PPARA: variants seen among roughly 807,000 people sequenced by gnomAD.
The protein encoded by PPARA is peroxisome proliferator-activated receptor alpha.
In PPARA, 22 loss-of-function variants were observed where a neutral mutation model predicts 42.2. That is an observed-to-expected ratio of 0.52 (90% CI 0.37 to 0.74). PPARA has a LOEUF of 0.74. Ranked by LOEUF, PPARA falls within the 30% of genes least tolerant of loss-of-function variation. PPARA has a pLI of 0.00. For synonymous variants in PPARA, 242 were observed against 239.3 expected, an observed-to-expected ratio of 1.01 and a Z score of -0.10; for missense variants, 465 against 608.2, an observed-to-expected ratio of 0.76 and a Z score of 2.48.
intron 6 of PPARA, among the ~76,000 whole-genome samples, chr22:46,218,636 C>A (rs1002392348): frequency 6.6e-6 from 1 of 151,542 alleles, no homozygotes; most frequent in African/African-American, 2.4e-5. Flanking sequence ...GAGTTTGAGA[C>A]CAGCCTGGCC....
At chr22:46,205,562 T>G (rs1285102410) in intron 4 of PPARA, among the ~76,000 whole-genome samples, 4 of 65,320 alleles carry the variant, frequency 6.1e-5, no homozygotes, top group African/African-American at 1.7e-4. Context: ...ATATTTTTTT[T>G]TTTTTTTTTT....
chr22:46,203,178 C>G lies in PPARA; in HGVS notation c.208+4587C>G, dbSNP rs1308841000. On this transcript the variant is annotated intron_variant, in intron 4 of 8. Transcript: ENST00000407236. The surrounding 1 kb of genome is among the most constrained non-coding windows in gnomAD (Gnocchi z 5.8). Reference sequence around the variant, plus strand: ...CCTTCCAGGTTTTACTGAACTGTTACTGCGAAGTCTGAGAGATGAGGTCAT... The same window carrying G: ...CCTTCCAGGTTTTACTGAACTGTTAGTGCGAAGTCTGAGAGATGAGGTCAT... Among the ~76,000 whole-genome samples the G allele has an allele frequency of 1.3e-5, 2 of 152,194 alleles. No homozygotes were observed. Among genetic ancestry groups the G allele is most frequent in the African/African-American group, 4.8e-5 (2 of 41,458 alleles).
chr22:46,223,680 A>G (rs1935176963), intron 7 of PPARA, among the ~76,000 whole-genome samples: 1 of 133,778 alleles, frequency 7.5e-6, no homozygotes, highest in South Asian at 2.5e-4. Context: ...GTGGTTGCTC[A>G]TGCTTATGCC....
At position 46,243,379 on chromosome 22, in the gene PPARA, T is replaced by C. The variant is rs1230266641; in HGVS notation, c.*7999T>C. ...GTGCTAAAAAGGTGCAGTTCCAAAG[T>C]AGGAACTGCCACACAGGCCCCAGCA... On this transcript the variant is annotated 3_prime_UTR_variant, in exon 9 of 9. Coordinates refer to ENST00000407236, the MANE Select transcript of PPARA (RefSeq NM_005036.6). This position sits in a 1 kb window ranked among gnomAD's most constrained non-coding sequence, Gnocchi z 5.0. 2 of 152,144 alleles carry C rather than the reference T, an allele frequency of 1.3e-5. No individual in the cohort carries two copies. The highest frequency in any genetic ancestry group is 2.4e-5 in the African/African-American group (1 of 41,418). 9.4% of individuals were successfully genotyped at this position (152,144 alleles called of 1,614,324 possible).
At chr22:46,159,899 G>A (rs1342625081) in intron 2 of PPARA, among the ~76,000 whole-genome samples, 2 of 152,250 alleles carry the variant, frequency 1.3e-5, no homozygotes, top group East Asian at 3.8e-4. Context: ...AGGGTGGGTT[G>A]TGGGTGCCTA....
At chr22:46,197,944 A>G (rs1347740581) in intron 3 of PPARA, among the ~76,000 whole-genome samples, 1 of 148,170 alleles carries the variant, frequency 6.7e-6, no homozygotes, top group African/African-American at 2.5e-5. Flanking sequence ...TAAAATTAAA[A>G]CAAACAGCCG....
intron 7 of PPARA, among the ~76,000 whole-genome samples, chr22:46,228,574 G>A (rs1250641361): frequency 6.6e-6 from 1 of 152,046 alleles, no homozygotes; most frequent in Non-Finnish European, 1.5e-5. Context: ...TTGCATTTTT[G>A]CTCTGGGTCC....
At chr22:46,198,039 G>A (rs4253706) in intron 3 of PPARA, among the ~76,000 whole-genome samples, 11,030 of 150,788 alleles carry the variant, frequency 0.073, 441 homozygotes, top group Middle Eastern at 0.12. Flanking sequence ...AGACCACCCT[G>A]GCTAACACAG....
intron 4 of PPARA, among the ~76,000 whole-genome samples, chr22:46,208,127 G>A (rs1406095839): frequency 3.9e-5 from 6 of 152,012 alleles, no homozygotes; most frequent in Admixed American, 3.9e-4. Flanking sequence ...ATTTTTAATT[G>A]ACAAATAATA....
rs767159328 is a variant in PPARA, at chr22:46,220,025, GC to G, written c.711+12del. 1.4e-5 allele frequency: 23 copies of G among 1,613,532 alleles called. No homozygotes were observed. The highest frequency in any genetic ancestry group is 1.9e-5 in the Non-Finnish European group (23 of 1,180,012). On this transcript the variant is annotated intron_variant, in intron 7 of 8. Transcript: ENST00000407236. ...GCCAGTAACAATCCAGTAGGTGTTT[GC>G]GGCTGTTCTGGGTTCTCTTGGCAAC...
At position 46,237,640 on chromosome 22, in the gene PPARA, G is replaced by A. The variant is rs1168574312; in HGVS notation, c.*2260G>A. 2.0e-5 allele frequency: 3 copies of A among 152,058 alleles called. No homozygotes were observed. The highest frequency in any genetic ancestry group is 4.4e-5 in the Non-Finnish European group (3 of 68,074). 9.4% of individuals were successfully genotyped at this position (152,058 alleles called of 1,614,324 possible). A position where few individuals can be genotyped will look rare whatever the true frequency, so the allele number is the denominator to read the frequency against. ...AAAAAAAAAAAAGATGCAATCAAAG[G>A]GGCTGTTGGCCAGCAATGGCAGCAG... On this transcript the variant is annotated 3_prime_UTR_variant, in exon 9 of 9. Coordinates refer to ENST00000407236, the MANE Select transcript of PPARA (RefSeq NM_005036.6). The surrounding 1 kb of genome is among the most constrained non-coding windows in gnomAD (Gnocchi z 6.7).
intron 3 of PPARA, among the ~76,000 whole-genome samples, chr22:46,178,019 G>T (rs573953057): frequency 6.6e-6 from 1 of 152,106 alleles, no homozygotes; most frequent in East Asian, 1.9e-4. Flanking sequence ...AGAATTTGGG[G>T]TATAGATCTA....
intron 4 of PPARA, among the ~76,000 whole-genome samples, chr22:46,207,671 ATTATTATTTTTTTTTTTT>A (rs560898827): frequency 0.033 from 2,444 of 74,334 alleles, 111 homozygotes; most frequent in African/African-American, 0.13. Flanking sequence ...TATTATTATT[ATTATTATTTTTTTTTTTT>A]TTTTTTTTTT....
intron 7 of PPARA, among the ~76,000 whole-genome samples, chr22:46,229,281 G>A (rs969468185): frequency 2.6e-5 from 4 of 152,046 alleles, no homozygotes; most frequent in African/African-American, 9.7e-5. Context: ...CGGGCACAGT[G>A]GCTCACGCAT....
rs938004222 is a variant in PPARA at position 46,160,444 on chromosome 22, G to A, written c.-127+8474G>A. Among the ~76,000 whole-genome samples, 2 of 151,528 alleles carry A rather than the reference G, an allele frequency of 1.3e-5. No homozygotes were observed. Among genetic ancestry groups the A allele is most frequent in the African/African-American group, 2.4e-5 (1 of 41,200 alleles). On this transcript the variant is annotated intron_variant, in intron 2 of 8. Coordinates refer to ENST00000407236, the MANE Select transcript of PPARA (RefSeq NM_005036.6). This position sits in a 1 kb window ranked among gnomAD's most constrained non-coding sequence, Gnocchi z 4.5. Reference sequence around the variant, plus strand: ...CCTACATAGCTGGTACTACAGGCACGCGCCACCATGCCTGGCTAAATTGTT... The same window carrying A: ...CCTACATAGCTGGTACTACAGGCACACGCCACCATGCCTGGCTAAATTGTT...
intron 3 of PPARA, among the ~76,000 whole-genome samples, chr22:46,186,499 C>T (rs927545685): frequency 2.6e-5 from 4 of 152,070 alleles, no homozygotes; most frequent in Admixed American, 6.6e-5. Context: ...TTCCCAGTAA[C>T]GAGGGAGGAA....
At chr22:46,220,074 C>T (rs774074808) in intron 7 of PPARA, 60 bp downstream of exon 7, 22 of 1,546,568 alleles carry the variant, frequency 1.4e-5, no homozygotes, top group East Asian at 9.0e-5. Flanking sequence ...TCGTAGAGGA[C>T]GATTAAGGAC....
At chr22:46,186,698 G>A (rs1431826892) in intron 3 of PPARA, among the ~76,000 whole-genome samples, 1 of 152,106 alleles carries the variant, frequency 6.6e-6, no homozygotes, top group East Asian at 1.9e-4. Context: ...AGGTGAGAGA[G>A]CGAGACTCTG....
Position 46,167,404 on chromosome 22 carries a change from A to T in PPARA, c.-126-9349A>T, listed in dbSNP as rs1927239293. On this transcript the variant is annotated intron_variant, in intron 2 of 8. Transcript: ENST00000407236. This position sits in a 1 kb window ranked among gnomAD's most constrained non-coding sequence, Gnocchi z 4.1. ...CAGTGGCTCATGCCTGTCATCTTGC[A>T]CTTTGAGAGGCCAAGGCGGGTGGAT... Among the ~76,000 whole-genome samples the T allele has an allele frequency of 6.6e-6, 1 of 152,096 alleles. No individual in the cohort carries two copies. Among genetic ancestry groups the T allele is most frequent in the Non-Finnish European group, 1.5e-5 (1 of 68,024 alleles).
Sources: allele counts gnomAD v4.1 joint callset (sites outside exome capture counted in the v4.1 genomes callset), GRCh38; gene constraint gnomAD v4.1.1; non-coding constraint Gnocchi (gnomAD v3.1); transcripts MANE v1.5; gene names NCBI Gene and HGNC (gene_info 2026-07-23, HGNC 2026-07-21).